ZNF560: variants seen among roughly 807,000 people sequenced by gnomAD.
The protein encoded by ZNF560 is zinc finger protein 560.
Under a neutral mutation model 81.8 loss-of-function variants are expected in ZNF560, and 54 were observed. The ratio of observed to expected loss-of-function variants is 0.66; its 90% CI spans 0.53 to 0.83. The LOEUF (loss-of-function observed/expected upper bound fraction) is 0.83. Ranked by LOEUF, ZNF560 falls within the 40% of genes least tolerant of loss-of-function variation. ZNF560 has a pLI of 0.00. For missense variants in ZNF560, 940 were observed against 932.4 expected, an observed-to-expected ratio of 1.01 and a Z score of -0.11; for synonymous variants, 321 against 317.9, an observed-to-expected ratio of 1.01 and a Z score of -0.10.
intron 3 of ZNF560, among the ~76,000 whole-genome samples, chr19:9,475,024 A>G (rs904166147): frequency 6.6e-6 from 1 of 151,938 alleles, no homozygotes; most frequent in African/African-American, 2.4e-5. Flanking sequence ...CATCTGCCAG[A>G]CCACTCAGCA....
At chr19:9,496,797 G>A (rs1270556678) in intron 2 of ZNF560, among the ~76,000 whole-genome samples, 1 of 151,690 alleles carries the variant, frequency 6.6e-6, no homozygotes, top group Admixed American at 6.6e-5. Flanking sequence ...TTAGCTGGGC[G>A]AGGTGGCACG....
At chr19:9,490,111 C>T (rs1238510747) in intron 2 of ZNF560, among the ~76,000 whole-genome samples, 1 of 152,162 alleles carries the variant, frequency 6.6e-6, no homozygotes, top group Non-Finnish European at 1.5e-5. Flanking sequence ...AGGAAGGTTG[C>T]ACTGAATTTA....
intron 4 of ZNF560, 135 bp from the exon 5 acceptor site, chr19:9,473,394 T>C (rs2073152407): frequency 3.3e-6 from 2 of 607,618 alleles, no homozygotes; most frequent in Non-Finnish European, 5.7e-6. Flanking sequence ...CAGCCTAAGA[T>C]GGTGAAACCC....
At chr19:9,470,351 C>A in intron 7 of ZNF560, 41 bp downstream of exon 7, 9 of 1,567,448 alleles carry the variant, frequency 5.7e-6, no homozygotes, top group Non-Finnish European at 6.0e-6. Flanking sequence ...TAATTTGTAT[C>A]TTGTTCCAGA....
intron 2 of ZNF560, among the ~76,000 whole-genome samples, chr19:9,488,607 A>C (rs1599676297): frequency 2.6e-5 from 4 of 151,212 alleles, no homozygotes; most frequent in African/African-American, 9.8e-5. Context: ...AAGAGAAAAA[A>C]GCTCACACAA....
At position 9,474,185 on chromosome 19, in the gene ZNF560, G is replaced by T; in HGVS notation, c.157+14C>A. Reference sequence around the variant, plus strand: ...TCTTCCCTAAGAGGCTGCATAAAATGATGGCAGTCTTACCTACTTTGGCCA... The same window carrying T: ...TCTTCCCTAAGAGGCTGCATAAAATTATGGCAGTCTTACCTACTTTGGCCA... On this transcript the variant is annotated intron_variant, in intron 4 of 9. Coordinates refer to ENST00000301480, the MANE Select transcript of ZNF560 (RefSeq NM_152476.3). 1 of 1,613,988 alleles carries T rather than the reference G, an allele frequency of 6.2e-7. No homozygotes were observed. The highest frequency in any genetic ancestry group is 8.5e-7 in the Non-Finnish European group (1 of 1,179,956).
downstream of ZNF560, among the ~76,000 whole-genome samples, chr19:9,462,668 C>CA (rs34617099): frequency 0.11 from 15,741 of 148,024 alleles, 947 homozygotes; most frequent in South Asian, 0.2. Flanking sequence ...AATATTCTAG[C>CA]AAAAAAAAAA....
chr19:9,449,458 C>T, the ZNF560 span, among the ~76,000 whole-genome samples: 1 of 151,534 alleles, frequency 6.6e-6, no homozygotes, highest in African/African-American at 2.4e-5. Context: ...TTAATGAAGG[C>T]AAAAAAACAA....
At chr19:9,501,372 TG>T (rs2073631910), upstream of ZNF560, among the ~76,000 whole-genome samples, 1 of 142,154 alleles carries the variant, frequency 7.0e-6, no homozygotes, top group African/African-American at 2.6e-5. Flanking sequence ...TGTGTGTGTG[TG>T]TGTGTGTGGA....
At chr19:9,492,652 A>C (rs1386971763) in intron 2 of ZNF560, among the ~76,000 whole-genome samples, 1 of 152,236 alleles carries the variant, frequency 6.6e-6, no homozygotes, top group African/African-American at 2.4e-5. Context: ...GAAATAGCTT[A>C]CTGAAAATTC....
At chr19:9,455,610 C>A in the ZNF560 span, among the ~76,000 whole-genome samples, 4 of 152,116 alleles carry the variant, frequency 2.6e-5, no homozygotes. Context: ...GCCAAAAGAA[C>A]CCTATGCAGA....
chr19:9,471,403 T>G (rs1352059101), intron 5 of ZNF560, 25 bp from the exon 6 acceptor site: 17 of 1,101,736 alleles, frequency 1.5e-5, no homozygotes, highest in Non-Finnish European at 2.0e-5. Flanking sequence ...TAAACTGAGG[T>G]TTTTTTTTTT....
At chr19:9,486,759 G>GAA (rs936803340) in intron 2 of ZNF560, among the ~76,000 whole-genome samples, 1 of 146,856 alleles carries the variant, frequency 6.8e-6, no homozygotes, top group African/African-American at 2.5e-5. Flanking sequence ...AAGAAGAAAA[G>GAA]AAAAAAAAAA....
the ZNF560 span, among the ~76,000 whole-genome samples, chr19:9,456,662 C>T: frequency 5.3e-5 from 8 of 152,174 alleles, no homozygotes; most frequent in Non-Finnish European, 1.0e-4. Flanking sequence ...ATTCAGCCTG[C>T]TCAATTTAAC....
rs371293369 is a variant in ZNF560 at position 9,483,076 on chromosome 19, G to A, written c.-56-7707C>T. On this transcript the variant is annotated intron_variant, in intron 2 of 9. Coordinates refer to ENST00000301480, the MANE Select transcript of ZNF560 (RefSeq NM_152476.3). ...AGTGCCGAGATTGCAGCCTCTGCCC[G>A]GCCGCCACCCCGTCTGGGAAGTGAG... is the stretch of plus-strand genomic sequence containing the variant. Among the ~76,000 whole-genome samples the A allele has an allele frequency of 3.8e-4, 57 of 151,490 alleles. No individual in the cohort carries two copies. In the East Asian group the frequency reaches 7.7e-3, roughly 20 times the overall value.
chr19:9,475,906 A>G (rs1377064548), intron 2 of ZNF560, among the ~76,000 whole-genome samples: 3 of 152,118 alleles, frequency 2.0e-5, no homozygotes, highest in African/African-American at 7.2e-5. Flanking sequence ...GCACCTAGCC[A>G]GGTAAAGAAA....
chr19:9,505,244 A>G, the ZNF560 span, among the ~76,000 whole-genome samples: 1 of 152,242 alleles, frequency 6.6e-6, no homozygotes. Flanking sequence ...CTCTTGATGA[A>G]TTGAAGCTTT....
chr19:9,464,849 C>A (rs1247982992), downstream of ZNF560, among the ~76,000 whole-genome samples: 4 of 152,240 alleles, frequency 2.6e-5, no homozygotes, highest in Admixed American at 1.3e-4. Context: ...CCCAGAAAGC[C>A]AGGCTTTGAC....
rs566905658 is a variant in ZNF560, at chr19:9,490,353, G to A, written c.-57+7775C>T. Reference sequence around the variant, plus strand: ...AACCTTGAGTGCCAAAAACCAAGTGGGTAGCACTTAACTATCAAAGACAAT... The same window carrying A: ...AACCTTGAGTGCCAAAAACCAAGTGAGTAGCACTTAACTATCAAAGACAAT... On this transcript the variant is annotated intron_variant, in intron 2 of 9. Coordinates refer to ENST00000301480, the MANE Select transcript of ZNF560 (RefSeq NM_152476.3). Among the ~76,000 whole-genome samples the A allele has an allele frequency of 1.1e-4, 16 of 152,252 alleles. No individual in the cohort carries two copies. In the South Asian group the frequency reaches 3.3e-3, roughly 32 times the overall value.
Sources: gnomAD v4.1 joint callset for allele counts (sites outside exome capture counted in the v4.1 genomes callset) on GRCh38, gnomAD v4.1.1 for gene constraint, MANE v1.5 for transcripts, NCBI Gene and HGNC (gene_info 2026-07-23, HGNC 2026-07-21) for gene names.